ZNF486: variants seen among roughly 807,000 people sequenced by gnomAD.
ZNF486 encodes the protein zinc finger protein 486.
A neutral mutation model predicts 12.8 loss-of-function variants in ZNF486; 12 were observed. The observed-to-expected ratio is 0.94, with a 90% CI of 0.60 to 1.52. ZNF486 has a LOEUF of 1.52. ZNF486 is among the 40% of genes most tolerant of loss of function. ZNF486 has a pLI of 0.00. For synonymous variants in ZNF486, 231 were observed against 184.9 expected, an observed-to-expected ratio of 1.25 and a Z score of -2.02; for missense variants, 738 against 545.0, an observed-to-expected ratio of 1.35 and a Z score of -3.53.
At chr19:20,170,017 A>C (rs1376105846) in intron 1 of ZNF486, among the ~76,000 whole-genome samples, 1 of 150,470 alleles carries the variant, frequency 6.6e-6, no homozygotes, top group African/African-American at 2.5e-5. Flanking sequence ...CAGCCTCCCG[A>C]GTAGCTGGGA....
At chr19:20,193,637 G>T (rs1412865174) in intron 3 of ZNF486, among the ~76,000 whole-genome samples, 1 of 151,764 alleles carries the variant, frequency 6.6e-6, no homozygotes, top group African/African-American at 2.4e-5. Context: ...CTCCAGCCTG[G>T]ACAACAGAGC....
rs1555718540 is a variant in ZNF486 at position 20,199,095 on chromosome 19, T to C, written c.*993T>C. The C allele has an allele frequency of 6.6e-6, 1 of 152,194 alleles. No individual in the cohort carries two copies. The highest frequency in any genetic ancestry group is 1.5e-5 in the Non-Finnish European group (1 of 68,034). 9.4% of individuals were successfully genotyped at this position (152,194 alleles called of 1,614,324 possible). A position where few individuals can be genotyped will look rare whatever the true frequency, so the allele number is the denominator to read the frequency against. ...CTTACACCGTATTTCACAGGAAAGC[T>C]ATTATCCTTGAGAAAAATTGTACAA... On this transcript the variant is annotated 3_prime_UTR_variant, in exon 4 of 4. Transcript: ENST00000335117.
intron 3 of ZNF486, among the ~76,000 whole-genome samples, chr19:20,195,437 G>T (rs1555717761): frequency 6.6e-6 from 1 of 152,032 alleles, no homozygotes; most frequent in African/African-American, 2.4e-5. Context: ...CAGTGTGTTG[G>T]GATTACAGGA....
chr19:20,170,162 G>T (rs1425515010), intron 1 of ZNF486, among the ~76,000 whole-genome samples: 2 of 152,010 alleles, frequency 1.3e-5, no homozygotes, highest in Admixed American at 6.5e-5. Flanking sequence ...CTCCCGAAGT[G>T]CTGGGATTAC....
chr19:20,191,046 A>G (rs147548170), intron 3 of ZNF486, among the ~76,000 whole-genome samples: 33 of 152,330 alleles, frequency 2.2e-4, no homozygotes, highest in Non-Finnish European at 4.7e-4. Flanking sequence ...TCATTAACAT[A>G]TAGTATGTCC....
intron 3 of ZNF486, among the ~76,000 whole-genome samples, chr19:20,187,940 C>T (rs1259698990): frequency 1.3e-5 from 2 of 152,070 alleles, no homozygotes; most frequent in African/African-American, 2.4e-5. Flanking sequence ...TAGGGTCCAC[C>T]TTTAGTTGGC....
intron 1 of ZNF486, among the ~76,000 whole-genome samples, chr19:20,170,428 G>A (rs538828305): frequency 6.6e-6 from 1 of 151,988 alleles, no homozygotes; most frequent in African/African-American, 2.4e-5. Context: ...TTAGCCAAGC[G>A]TCTTGGCAGG....
intron 1 of ZNF486, among the ~76,000 whole-genome samples, chr19:20,174,491 C>T (rs948440174): frequency 3.3e-5 from 5 of 151,808 alleles, no homozygotes; most frequent in East Asian, 1.9e-4. Context: ...CGGGTTCAAG[C>T]GATTCTCCTG....
intron 3 of ZNF486, chr19:20,188,823 T>C (rs2089875353): frequency 5.3e-6 from 1 of 189,662 alleles, no homozygotes; most frequent in African/African-American, 2.3e-5. Flanking sequence ...TTCTGTTTTA[T>C]GATTTGACTA....
At position 20,197,538 on chromosome 19, in the gene ZNF486, G is replaced by A. The variant is rs1599720214; in HGVS notation, c.828G>A (p.Met276Ile). Residue 276 changes from methionine to isoleucine, a missense_variant, in exon 4 of 4, where the codon ATG becomes ATA. Physicochemically the swap from Met to Ile is conservative, Grantham distance 10. Transcript: ENST00000335117. ...GTGAAGAATGTGGCAAAGCCTTTAT[G>A]TACCCCTATACCCTTACTACACATA... ...YICEECGKAF[M>I]YPYTLTTHKI... The A allele has an allele frequency of 6.2e-7, 1 of 1,606,888 alleles. No homozygotes were observed. Among genetic ancestry groups the A allele is most frequent in the Non-Finnish European group, 8.5e-7 (1 of 1,177,540 alleles).
At chr19:20,187,514 T>G (rs925716125) in intron 3 of ZNF486, among the ~76,000 whole-genome samples, 171 of 148,958 alleles carry the variant, frequency 1.1e-3, no homozygotes, top group Non-Finnish European at 2.1e-3. Flanking sequence ...TTTTTTTTTT[T>G]TTTTTTTGAG....
intron 3 of ZNF486, among the ~76,000 whole-genome samples, chr19:20,194,706 CAACAAGATTGA>C (rs1354727815): frequency 2.6e-5 from 4 of 151,744 alleles, no homozygotes; most frequent in Non-Finnish European, 4.4e-5. Flanking sequence ...CCAGCTTGTG[CAACAAGATTGA>C]AACTCTGTCT....
At chr19:20,176,069 TG>T (rs2089708763) in intron 1 of ZNF486, 1 of 178,388 alleles carries the variant, frequency 5.6e-6, no homozygotes, top group Non-Finnish European at 1.2e-5. Context: ...ACTTCCCAGA[TG>T]GGGCGGCTGC....
intron 1 of ZNF486, among the ~76,000 whole-genome samples, chr19:20,174,861 TC>T (rs1435521083): frequency 1.3e-5 from 2 of 152,220 alleles, no homozygotes; most frequent in African/African-American, 4.8e-5. Context: ...AATTTTAGTG[TC>T]TTTTATTTCA....
At chr19:20,195,467 A>G (rs2089949301) in intron 3 of ZNF486, among the ~76,000 whole-genome samples, 1 of 152,140 alleles carries the variant, frequency 6.6e-6, no homozygotes, top group Admixed American at 6.5e-5. Flanking sequence ...CAACAGTGGG[A>G]TGTTCAATTC....
chr19:20,183,592 ACAT>A (rs1242819165), intron 1 of ZNF486, among the ~76,000 whole-genome samples: 1 of 152,192 alleles, frequency 6.6e-6, no homozygotes, highest in Non-Finnish European at 1.5e-5. Context: ...GTGAATTAGG[ACAT>A]CATAAAAATT....
In ZNF486 at chr19:20,196,529, C is replaced by T. The variant is rs1231551031; in HGVS notation, c.254-435C>T. 4.6e-5 allele frequency among the ~76,000 whole-genome samples: 7 copies of T among 152,094 alleles called. No homozygotes were observed. The East Asian group carries it at 1.3e-3, about 29-fold the overall frequency. Reference sequence around the variant, plus strand: ...AATTTTAGTAGAGATGGGGTTTCACCATCTTGGCCAGGATGGCCTTGAACT... The same window carrying T: ...AATTTTAGTAGAGATGGGGTTTCACTATCTTGGCCAGGATGGCCTTGAACT... On this transcript the variant is annotated intron_variant, in intron 3 of 3. Transcript: ENST00000335117.
intron 3 of ZNF486, among the ~76,000 whole-genome samples, chr19:20,189,528 A>G (rs1156643007): frequency 1.3e-5 from 2 of 152,160 alleles, no homozygotes; most frequent in African/African-American, 4.8e-5. Context: ...TACAGTGGCC[A>G]TTCTAATGGA....
intron 3 of ZNF486, among the ~76,000 whole-genome samples, chr19:20,186,790 T>G (rs2089852260): frequency 6.8e-6 from 1 of 148,032 alleles, no homozygotes. Context: ...ATAGGTTTTT[T>G]TTTTTTTTTT....
Sources: gnomAD v4.1 joint callset for allele counts (sites outside exome capture counted in the v4.1 genomes callset) on GRCh38, gnomAD v4.1.1 for gene constraint, MANE v1.5 for transcripts, NCBI Gene and HGNC (gene_info 2026-07-23, HGNC 2026-07-21) for gene names.